Variants in IQCJ observed in about 807,000 individuals in gnomAD.
The protein encoded by IQCJ is IQ motif containing J, also known as IQ domain-containing protein J.
A neutral mutation model predicts 11.0 loss-of-function variants in IQCJ; 9 were observed. The ratio of observed to expected loss-of-function variants is 0.82; its 90% CI spans 0.49 to 1.43. The LOEUF (loss-of-function observed/expected upper bound fraction) is 1.43, where lower values mean the gene tolerates loss of function less well. Ranked by LOEUF, IQCJ falls within the 40% of genes most tolerant of loss-of-function variation. The pLI is 0.00. For missense variants in IQCJ, 146 were observed against 133.2 expected (o/e 1.10, Z -0.47); for synonymous variants, 55 against 51.3 (o/e 1.07, Z -0.31).
intron 1 of IQCJ, among the ~76,000 whole-genome samples, chr3:159,205,607 C>T (rs1009466077): frequency 6.6e-6 from 1 of 152,168 alleles, no homozygotes; most frequent in Non-Finnish European, 1.5e-5. Context: ...ATTTGACTAA[C>T]TCAAGGGCCT....
intron 2 of IQCJ, among the ~76,000 whole-genome samples, chr3:159,246,288 A>G (rs1006580139): frequency 6.6e-6 from 1 of 152,248 alleles, no homozygotes; most frequent in African/African-American, 2.4e-5. Flanking sequence ...TTAACACTAC[A>G]GAATGGGACA....
At chr3:159,232,451 CTTTT>C (rs35423818) in intron 1 of IQCJ, among the ~76,000 whole-genome samples, 1 of 83,760 alleles carries the variant, frequency 1.2e-5, no homozygotes, top group South Asian at 3.9e-4. Context: ...GAGAGACTTT[CTTTT>C]TTTTTTTTTT....
At chr3:159,196,028 A>G (rs1452517342) in intron 1 of IQCJ, among the ~76,000 whole-genome samples, 1 of 152,206 alleles carries the variant, frequency 6.6e-6, no homozygotes, top group Admixed American at 6.5e-5. Context: ...TTACCCTACA[A>G]TTAGCCCTGT....
intron 1 of IQCJ, among the ~76,000 whole-genome samples, chr3:159,234,328 G>A (rs1726447773): frequency 6.6e-6 from 1 of 152,106 alleles, no homozygotes; most frequent in African/African-American, 2.4e-5. Flanking sequence ...TCAAAGAAAT[G>A]ACATAGAATT....
intron 1 of IQCJ, among the ~76,000 whole-genome samples, chr3:159,112,583 T>C (rs1306249956): frequency 6.6e-6 from 1 of 152,024 alleles, no homozygotes; most frequent in Non-Finnish European, 1.5e-5. Flanking sequence ...AACAGTAGCC[T>C]CCCTGTCTCT....
chr3:159,088,939 T>C (rs1481533487), intron 1 of IQCJ, among the ~76,000 whole-genome samples: 3 of 152,184 alleles, frequency 2.0e-5, no homozygotes, highest in African/African-American at 7.2e-5. Context: ...AATATTGTTA[T>C]GTGTGAATTT....
At chr3:159,091,683 CA>C (rs1717319661) in intron 1 of IQCJ, among the ~76,000 whole-genome samples, 1 of 122,064 alleles carries the variant, frequency 8.2e-6, no homozygotes, top group Non-Finnish European at 1.7e-5. Context: ...TGCACACACA[CA>C]CACACACACA....
intron 1 of IQCJ, among the ~76,000 whole-genome samples, chr3:159,199,444 C>T (rs1452909139): frequency 6.6e-6 from 1 of 152,190 alleles, no homozygotes; most frequent in African/African-American, 2.4e-5. Flanking sequence ...AACAGAGACG[C>T]TTAATACCTT....
At chr3:159,083,588 C>G (rs1342074721) in intron 1 of IQCJ, among the ~76,000 whole-genome samples, 1 of 152,104 alleles carries the variant, frequency 6.6e-6, no homozygotes, top group Non-Finnish European at 1.5e-5. Context: ...TACCATGCAA[C>G]AGTATAATTG....
At chr3:159,147,195 T>C (rs1198039775) in intron 1 of IQCJ, among the ~76,000 whole-genome samples, 1 of 152,240 alleles carries the variant, frequency 6.6e-6, no homozygotes, top group Non-Finnish European at 1.5e-5. Context: ...AATTTAAGGA[T>C]GGGAGAATAG....
At chr3:159,175,198 A>G (rs955689161) in intron 1 of IQCJ, among the ~76,000 whole-genome samples, 1 of 152,234 alleles carries the variant, frequency 6.6e-6, no homozygotes, top group Non-Finnish European at 1.5e-5. Context: ...CAGGCCAGGC[A>G]CAGTGACTCA....
At chr3:159,202,707 A>G (rs1199155427) in intron 1 of IQCJ, among the ~76,000 whole-genome samples, 2 of 152,176 alleles carry the variant, frequency 1.3e-5, no homozygotes, top group African/African-American at 4.8e-5. Flanking sequence ...TATGTTGCCC[A>G]GGCCAGTTTC....
intron 1 of IQCJ, among the ~76,000 whole-genome samples, chr3:159,164,924 A>G (rs537736799): frequency 6.6e-6 from 1 of 152,294 alleles, no homozygotes; most frequent in Admixed American, 6.5e-5. Flanking sequence ...CTCACATTTC[A>G]TTCTTGACTT....
At chr3:159,256,221 A>G (rs1407276175) in intron 3 of IQCJ, among the ~76,000 whole-genome samples, 8 of 152,252 alleles carry the variant, frequency 5.3e-5, no homozygotes. Flanking sequence ...GGAACAACAT[A>G]GAGATGTATT....
At chr3:159,133,950 C>A (rs991247350) in intron 1 of IQCJ, among the ~76,000 whole-genome samples, 1 of 151,624 alleles carries the variant, frequency 6.6e-6, no homozygotes, top group Non-Finnish European at 1.5e-5. Flanking sequence ...AAGGTATCCA[C>A]CAGGCTGTTT....
At chr3:159,083,572 T>C (rs1342285192) in intron 1 of IQCJ, among the ~76,000 whole-genome samples, 1 of 152,130 alleles carries the variant, frequency 6.6e-6, no homozygotes, top group African/African-American at 2.4e-5. Context: ...AGAACTAAAA[T>C]GTGCTTACCA....
intron 1 of IQCJ, among the ~76,000 whole-genome samples, chr3:159,085,185 G>A (rs527777454): frequency 1.3e-5 from 2 of 151,102 alleles, no homozygotes; most frequent in East Asian, 2.0e-4. Context: ...TTTTGTTCTT[G>A]CGATAGTTTA....
At chr3:159,155,907 G>A (rs1435130415) in intron 1 of IQCJ, among the ~76,000 whole-genome samples, 1 of 152,138 alleles carries the variant, frequency 6.6e-6, no homozygotes, top group South Asian at 2.1e-4. Context: ...ACAGATGGGC[G>A]CTCAGTGTAC....
chr3:159,071,739 G>T (rs1162650243), intron 1 of IQCJ, among the ~76,000 whole-genome samples: 1 of 152,052 alleles, frequency 6.6e-6, no homozygotes, highest in Non-Finnish European at 1.5e-5. Context: ...AAAGAATGCT[G>T]CATTTGCCAT....
Sources: gnomAD v4.1 joint callset for allele counts (sites outside exome capture counted in the v4.1 genomes callset) on GRCh38, gnomAD v4.1.1 for gene constraint, MANE v1.5 for transcripts, NCBI Gene and HGNC (gene_info 2026-07-23, HGNC 2026-07-21) for gene names.